The following ST6GAL1 variants were observed in gnomAD, a reference collection of about 807,000 sequenced individuals.
ST6GAL1 encodes beta-galactoside alpha-2,6-sialyltransferase 1.
ST6GAL1 carries 20 observed loss-of-function variants against 38.0 expected under a neutral mutation model. That is an observed-to-expected ratio of 0.53 (90% CI 0.37 to 0.77). The LOEUF is 0.77. ST6GAL1 is among the 30% of genes least tolerant of loss of function. ST6GAL1 has a pLI of 0.00. For missense variants in ST6GAL1, 432 were observed against 496.4 expected (o/e 0.87, Z 1.23); for synonymous variants, 196 against 188.2 (o/e 1.04, Z -0.34).
rs569027241 is a variant in ST6GAL1 at position 187,076,613 on chromosome 3, GTGTT to G, written c.*814_*817del. 2.3e-5 allele frequency: 9 copies of G among 387,236 alleles called. No individual in the cohort carries two copies. In the South Asian group the frequency reaches 1.3e-3, roughly 56 times the overall value. 24.0% of individuals were successfully genotyped at this position (387,236 alleles called of 1,614,324 possible). On this transcript the variant is annotated 3_prime_UTR_variant, in exon 8 of 8. Transcript: ENST00000169298. ...CCAGGAGGGCCACGCACTTAAAACT[GTGTT>G]TGTGGATCAGAGAAGGCTTTATAGC...
intron 5 of ST6GAL1, among the ~76,000 whole-genome samples, chr3:187,055,239 C>CA (rs57686263): frequency 8.6e-4 from 125 of 145,562 alleles, no homozygotes; most frequent in African/African-American, 1.3e-3. Flanking sequence ...TTGATCTTTT[C>CA]AAAAAAAAAA....
chr3:187,067,922 T>C (rs1041744184), intron 5 of ST6GAL1, among the ~76,000 whole-genome samples: 2 of 152,280 alleles, frequency 1.3e-5, no homozygotes, highest in South Asian at 2.1e-4. Flanking sequence ...ATACTACAAC[T>C]CAGGCAAGAA....
At chr3:186,945,726 C>G (rs1421071566) in intron 1 of ST6GAL1, among the ~76,000 whole-genome samples, 1 of 152,038 alleles carries the variant, frequency 6.6e-6, no homozygotes, top group East Asian at 1.9e-4. Flanking sequence ...GTGGCTCATG[C>G]CTGTAATCTC....
rs1245620810 is a variant in ST6GAL1, at chr3:187,075,818, C to T, written c.*15C>T. 1.9e-6 allele frequency: 3 copies of T among 1,612,988 alleles called. No homozygotes were observed. In the African/African-American group the frequency reaches 4.0e-5, roughly 22 times the overall value. On this transcript the variant is annotated 3_prime_UTR_variant, in exon 8 of 8. Coordinates refer to ENST00000169298, the MANE Select transcript of ST6GAL1 (RefSeq NM_173216.2). The surrounding 1 kb of genome is among the most constrained non-coding windows in gnomAD (Gnocchi z 4.1). ...TTCACTGCTAAGCACAGGCTCCTCACTCTTCTCCATCAGGCATTAAATGAA... is the reference window on the plus strand; with the variant it reads ...TTCACTGCTAAGCACAGGCTCCTCATTCTTCTCCATCAGGCATTAAATGAA...
At chr3:187,037,587 TG>T (rs890929747) in intron 2 of ST6GAL1, among the ~76,000 whole-genome samples, 6 of 152,154 alleles carry the variant, frequency 3.9e-5, no homozygotes, top group Admixed American at 6.6e-5. Flanking sequence ...AGCTGTTTTT[TG>T]TTGGTTTGTT....
intron 2 of ST6GAL1, among the ~76,000 whole-genome samples, chr3:187,030,515 C>T (rs1323442794): frequency 6.6e-6 from 1 of 152,180 alleles, no homozygotes; most frequent in Non-Finnish European, 1.5e-5. Flanking sequence ...CTCACTTCAA[C>T]CTCCGCCTCC....
intron 2 of ST6GAL1, among the ~76,000 whole-genome samples, chr3:186,995,298 GGAGATT>G (rs1295797964): frequency 6.6e-6 from 1 of 151,760 alleles, no homozygotes; most frequent in Non-Finnish European, 1.5e-5. Context: ...CATGAGGTCA[GGAGATT>G]GAGACCATCC....
chr3:187,066,556 G>A (rs1719139584), intron 5 of ST6GAL1, among the ~76,000 whole-genome samples: 1 of 151,806 alleles, frequency 6.6e-6, no homozygotes, highest in Non-Finnish European at 1.5e-5. Flanking sequence ...GAAGAAAAAA[G>A]TCCAAAATAT....
At chr3:186,954,673 G>GT (rs764094844) in intron 1 of ST6GAL1, among the ~76,000 whole-genome samples, 187 of 148,896 alleles carry the variant, frequency 1.3e-3, no homozygotes, top group African/African-American at 1.3e-3. Flanking sequence ...TTTTTAATGG[G>GT]TTTTTTTTTT....
chr3:187,050,782 A>C (rs1007127881), intron 4 of ST6GAL1, among the ~76,000 whole-genome samples: 1 of 152,160 alleles, frequency 6.6e-6, no homozygotes, highest in Non-Finnish European at 1.5e-5. Flanking sequence ...TGAGCACTGC[A>C]TGCTTTTCAA....
chr3:187,044,831 T>C (rs1336511955), intron 4 of ST6GAL1, among the ~76,000 whole-genome samples: 1 of 152,250 alleles, frequency 6.6e-6, no homozygotes, highest in East Asian at 1.9e-4. Context: ...AATATTTTTC[T>C]ATAGATTGCA....
chr3:187,069,904 A>G (rs539142316), intron 5 of ST6GAL1, among the ~76,000 whole-genome samples: 1 of 152,314 alleles, frequency 6.6e-6, no homozygotes, highest in African/African-American at 2.4e-5. Flanking sequence ...CTCTCATGCA[A>G]AAGAAGTCCA....
intron 2 of ST6GAL1, among the ~76,000 whole-genome samples, chr3:187,019,288 G>A (rs1354267548): frequency 6.6e-6 from 1 of 152,162 alleles, no homozygotes; most frequent in East Asian, 1.9e-4. Flanking sequence ...AAAATCTATA[G>A]CTGAATATTC....
chr3:187,050,289 G>GAC (rs2108586069), intron 4 of ST6GAL1, among the ~76,000 whole-genome samples: 1 of 141,046 alleles, frequency 7.1e-6, no homozygotes, highest in African/African-American at 2.7e-5. Flanking sequence ...AAACTTGCTT[G>GAC]ACCGAGTAAG....
intron 2 of ST6GAL1, among the ~76,000 whole-genome samples, chr3:187,031,570 A>G (rs1465542087): frequency 6.6e-6 from 1 of 151,876 alleles, no homozygotes; most frequent in East Asian, 1.9e-4. Context: ...CGAGTAACTA[A>G]GATTACAGAC....
At chr3:187,040,215 G>T (rs1718080434) in intron 3 of ST6GAL1, among the ~76,000 whole-genome samples, 1 of 152,204 alleles carries the variant, frequency 6.6e-6, no homozygotes. Flanking sequence ...TTATCTCACG[G>T]GAGTATAATA....
At chr3:187,022,611 A>G (rs1466794783) in intron 2 of ST6GAL1, among the ~76,000 whole-genome samples, 4 of 152,194 alleles carry the variant, frequency 2.6e-5, no homozygotes, top group South Asian at 2.1e-4. Context: ...CTCAGTTAGA[A>G]TCTCTCCTAG....
intron 1 of ST6GAL1, among the ~76,000 whole-genome samples, chr3:186,937,978 G>A (rs1199473990): frequency 6.6e-6 from 1 of 152,222 alleles, no homozygotes; most frequent in East Asian, 1.9e-4. Flanking sequence ...GGAGGCTGAG[G>A]TGGGAGAATT....
intron 5 of ST6GAL1, among the ~76,000 whole-genome samples, chr3:187,065,025 CAG>C (rs1179455433): frequency 6.9e-6 from 1 of 144,204 alleles, no homozygotes; most frequent in East Asian, 2.0e-4. Context: ...TTTTTTGAGA[CAG>C]AGTTTTGCTC....
Sources: gnomAD v4.1 joint callset for allele counts (sites outside exome capture counted in the v4.1 genomes callset) on GRCh38, gnomAD v4.1.1 for gene constraint, Gnocchi (gnomAD v3.1) non-coding constraint, MANE v1.5 for transcripts, NCBI Gene and HGNC (gene_info 2026-07-23, HGNC 2026-07-21) for gene names.